Variants in SHISA9 observed in about 807,000 individuals in gnomAD.
SHISA9 encodes the protein protein shisa-9.
A neutral mutation model predicts 38.0 loss-of-function variants in SHISA9; 13 were observed. The ratio of observed to expected loss-of-function variants is 0.34; its 90% CI spans 0.22 to 0.54. The LOEUF (loss-of-function observed/expected upper bound fraction) is 0.54, where lower values mean the gene tolerates loss of function less well. Ranked by LOEUF, SHISA9 falls within the 20% of genes least tolerant of loss-of-function variation. The pLI, the probability that SHISA9 is intolerant of heterozygous loss-of-function variation, is 0.91. For missense variants in SHISA9, 538 were observed against 575.8 expected (o/e 0.93, Z 0.67); for synonymous variants, 275 against 242.0 (o/e 1.14, Z -1.27).
At chr16:13,528,675 A>G in the SHISA9 span, among the ~76,000 whole-genome samples, 1 of 152,222 alleles carries the variant, frequency 6.6e-6, no homozygotes, top group Non-Finnish European at 1.5e-5. Context: ...AATGACCTGC[A>G]GCAAGCCATG....
chr16:13,469,320 G>GAGAGAGAGAGAGAAAGAAAGAAAGAA, the SHISA9 span, among the ~76,000 whole-genome samples: 1 of 61,614 alleles, frequency 1.6e-5, no homozygotes, highest in African/African-American at 7.8e-5. Context: ...GAGAGAGAGA[G>GAGAGAGAGAGAGAAAGAAAGAAAGAA]AGAAAGAAAG....
chr16:13,556,447 T>G, the SHISA9 span, among the ~76,000 whole-genome samples: 1 of 152,026 alleles, frequency 6.6e-6, no homozygotes, highest in Admixed American at 6.6e-5. Context: ...GATCACGAGG[T>G]CAGGAGATCG....
intron 2 of SHISA9, among the ~76,000 whole-genome samples, chr16:12,917,254 T>C (rs1387793046): frequency 2.0e-5 from 3 of 152,230 alleles, no homozygotes; most frequent in Non-Finnish European, 2.9e-5. Flanking sequence ...CTAGGTTTCA[T>C]GCTGTTTTCA....
chr16:13,204,210 G>GTCTGTCTATCTATCTATCTA (rs200624271), intron 3 of SHISA9, among the ~76,000 whole-genome samples: 1 of 140,986 alleles, frequency 7.1e-6, no homozygotes, highest in East Asian at 2.1e-4. Context: ...CTGTCTGTCT[G>GTCTGTCTATCTATCTATCTA]TCTATCTATC....
chr16:13,473,336 T>C, the SHISA9 span, among the ~76,000 whole-genome samples: 1 of 144,046 alleles, frequency 6.9e-6, no homozygotes, highest in Non-Finnish European at 1.5e-5. Flanking sequence ...CTTTTTCTTT[T>C]CTTTCTTTCT....
chr16:13,220,599 C>T (rs551060288), intron 4 of SHISA9, among the ~76,000 whole-genome samples: 1 of 152,244 alleles, frequency 6.6e-6, no homozygotes, highest in South Asian at 2.1e-4. Flanking sequence ...TTTAGAAAAC[C>T]ACCAGTTGTA....
the SHISA9 span, among the ~76,000 whole-genome samples, chr16:13,396,418 A>T: frequency 6.6e-6 from 1 of 152,170 alleles, no homozygotes; most frequent in African/African-American, 2.4e-5. Flanking sequence ...GAGGCACGAG[A>T]ATCACTTGAA....
At chr16:12,912,168 G>T (rs1025135446) in intron 1 of SHISA9, among the ~76,000 whole-genome samples, 1 of 152,102 alleles carries the variant, frequency 6.6e-6, no homozygotes, top group Admixed American at 6.5e-5. Flanking sequence ...TACCAAATCG[G>T]TTTATGCAGT....
chr16:13,486,145 A>G, the SHISA9 span, among the ~76,000 whole-genome samples: 1 of 152,216 alleles, frequency 6.6e-6, no homozygotes, highest in African/African-American at 2.4e-5. Flanking sequence ...CATCTGATCC[A>G]GGCAGAATCC....
At chr16:13,407,539 C>T in the SHISA9 span, among the ~76,000 whole-genome samples, 2,558 of 152,280 alleles carry the variant, frequency 0.017, 30 homozygotes, top group Non-Finnish European at 0.027. Context: ...CAGTTTATAG[C>T]AATGATGCTG....
At chr16:13,297,454 G>A in the SHISA9 span, among the ~76,000 whole-genome samples, 2 of 152,192 alleles carry the variant, frequency 1.3e-5, no homozygotes, top group Admixed American at 1.3e-4. Context: ...GGAAAAGTAT[G>A]AAAGAGATGA....
rs1555458355 is a variant in SHISA9, at chr16:13,060,659, A to AAC, written c.692-142734_692-142733insCA. 3.7e-4 allele frequency among the ~76,000 whole-genome samples: 48 copies of AAC among 128,888 alleles called. 2 individuals are homozygous for AAC. Among genetic ancestry groups the AAC allele is most frequent in the South Asian group, 1.2e-3 (5 of 4,030 alleles). 84.6% of individuals were successfully genotyped at this position (128,888 alleles called of 152,430 possible). A position where few individuals can be genotyped will look rare whatever the true frequency, so the allele number is the denominator to read the frequency against. ...TCTCAAAAAAAAAAAAAAAAAAAAA[A>AAC]AACACTCAAAATACAGGAAATTAAA... is the stretch of plus-strand genomic sequence containing the variant. On this transcript the variant is annotated intron_variant, in intron 2 of 4. Coordinates refer to ENST00000558583, the MANE Select transcript of SHISA9 (RefSeq NM_001145204.3).
the SHISA9 span, among the ~76,000 whole-genome samples, chr16:13,249,532 A>G: frequency 5.3e-5 from 8 of 152,180 alleles, no homozygotes; most frequent in Admixed American, 5.2e-4. Context: ...CACTGAGATG[A>G]ATCAGGCACA....
chr16:13,504,253 C>G, the SHISA9 span, among the ~76,000 whole-genome samples: 1 of 152,040 alleles, frequency 6.6e-6, no homozygotes, highest in Non-Finnish European at 1.5e-5. Flanking sequence ...AAGATCAACA[C>G]GTAAGGTTTC....
intron 2 of SHISA9, among the ~76,000 whole-genome samples, chr16:12,970,493 ATATATTTTTTTTTTTTTTTT>A (rs2072064556): frequency 9.9e-5 from 3 of 30,380 alleles, no homozygotes; most frequent in African/African-American, 3.8e-4. Context: ...ATATATATAT[ATATATTTTTTTTTTTTTTTT>A]TTTTTTTTTT....
intron 2 of SHISA9, among the ~76,000 whole-genome samples, chr16:12,973,031 G>C (rs192973301): frequency 7.0e-4 from 106 of 152,212 alleles, no homozygotes; most frequent in Middle Eastern, 3.4e-3. Context: ...CAGGAGAATC[G>C]CTTGAACCTG....
intron 2 of SHISA9, among the ~76,000 whole-genome samples, chr16:13,093,470 A>G (rs879536538): frequency 4.6e-5 from 7 of 152,174 alleles, no homozygotes; most frequent in African/African-American, 7.2e-5. Flanking sequence ...GTTTTCATGA[A>G]CACTGGCTGT....
chr16:13,026,686 G>A (rs1232895654), intron 2 of SHISA9, among the ~76,000 whole-genome samples: 1 of 152,190 alleles, frequency 6.6e-6, no homozygotes, highest in Non-Finnish European at 1.5e-5. Flanking sequence ...TATATTCACT[G>A]TGGGTCAGTT....
At chr16:13,303,624 T>G in the SHISA9 span, among the ~76,000 whole-genome samples, 1 of 152,122 alleles carries the variant, frequency 6.6e-6, no homozygotes, top group African/African-American at 2.4e-5. Flanking sequence ...GCTTAAAGGG[T>G]GCAGGATTCC....
Sources: allele counts gnomAD v4.1 joint callset (sites outside exome capture counted in the v4.1 genomes callset), GRCh38; gene constraint gnomAD v4.1.1; transcripts MANE v1.5; gene names NCBI Gene and HGNC (gene_info 2026-07-23, HGNC 2026-07-21).